TECPR1: variants seen among roughly 807,000 people sequenced by gnomAD.
TECPR1 encodes tectonin beta-propeller repeat containing 1, also known as tectonin beta-propeller repeat-containing protein 1.
A neutral mutation model predicts 162.4 loss-of-function variants in TECPR1; 122 were observed. The ratio of observed to expected loss-of-function variants is 0.75; its 90% CI spans 0.65 to 0.87. The LOEUF is 0.87. TECPR1 is among the 40% of genes least tolerant of loss of function. The probability of loss-of-function intolerance (pLI) is 0.00; values close to 1 mark genes in which losing one functional copy is unlikely to be tolerated. For missense variants in TECPR1, 1,432 were observed against 1,618.2 expected, an observed-to-expected ratio of 0.88 and a Z score of 1.97; for synonymous variants, 642 against 670.6, an observed-to-expected ratio of 0.96 and a Z score of 0.66.
At position 98,222,368 on chromosome 7, in the gene TECPR1, C is replaced by T. The variant is rs779754908; in HGVS notation, c.3064+18G>A. The T allele has an allele frequency of 1.0e-5, 16 of 1,604,454 alleles. No individual in the cohort carries two copies. The highest frequency in any genetic ancestry group is 3.4e-5 in the Admixed American group (2 of 58,912). On this transcript the variant is annotated intron_variant, in intron 22 of 25. Coordinates refer to ENST00000447648, the MANE Select transcript of TECPR1 (RefSeq NM_015395.3). ...CGGAAGGTGAACACTGCAGGGGCTC[C>T]TGGGGCGCGGCACTCACCGGCTGGC...
intron 16 of TECPR1, chr7:98,228,415 C>CG: frequency 1.3e-5 from 5 of 376,504 alleles, no homozygotes; most frequent in Admixed American, 3.6e-5. Context: ...TCCTACTTAG[C>CG]ACCAGGGAGG....
chr7:98,227,859 A>T (rs917291891), intron 17 of TECPR1, among the ~76,000 whole-genome samples, 155 bp downstream of exon 17: 1 of 151,786 alleles, frequency 6.6e-6, no homozygotes, highest in African/African-American at 2.4e-5. Flanking sequence ...AAGGAAAAAA[A>T]TCTCAGTGAG....
Position 98,225,117 on chromosome 7 carries a change from C to T in TECPR1, c.2514-15G>A. ...TGGGCAGACCCCTGCGGCAGGACAA[C>T]AGGGCAGGTGACGAGGGAGACTGGG... On this transcript the variant is annotated splice_polypyrimidine_tract_variant and intron_variant, in intron 17 of 25. Transcript: ENST00000447648. The T allele has an allele frequency of 6.4e-7, 1 of 1,559,606 alleles. No homozygotes were observed. Among genetic ancestry groups the T allele is most frequent in the Non-Finnish European group, 8.7e-7 (1 of 1,153,466 alleles).
At chr7:98,243,371 G>C in intron 6 of TECPR1, 96 bp downstream of exon 6, 1 of 1,501,624 alleles carries the variant, frequency 6.7e-7, no homozygotes, top group Non-Finnish European at 8.9e-7. Flanking sequence ...GGGGGCCGGG[G>C]CTCCGGGGAG....
chr7:98,225,140 G>A (rs1311400048), intron 17 of TECPR1, 38 bp from the exon 18 acceptor site: 3 of 1,533,738 alleles, frequency 2.0e-6, no homozygotes, highest in Non-Finnish European at 2.6e-6. Flanking sequence ...GAGGGAGACT[G>A]GGGAATGAAC....
At position 98,251,557 on chromosome 7, in the gene TECPR1, T is replaced by A. The variant is rs1399534034; in HGVS notation, c.-174-9A>T. 6.6e-6 allele frequency: 1 copy of A among 151,764 alleles called. No individual in the cohort carries two copies. Among genetic ancestry groups the A allele is most frequent in the Non-Finnish European group, 1.5e-5 (1 of 68,000 alleles). The allele number at this position is 151,764 out of a possible 1,614,324, so 9.4% of individuals were successfully genotyped here. A position where few individuals can be genotyped will look rare whatever the true frequency, so the allele number is the denominator to read the frequency against. ...AAAGCGACATCAGGGTCCTAAAAGG[T>A]GGGAAAAAGCAGCAGAACTTGCATG... is the stretch of plus-strand genomic sequence containing the variant. On this transcript the variant is annotated splice_polypyrimidine_tract_variant and intron_variant, in intron 1 of 25. Transcript: ENST00000447648.
At chr7:98,231,448 T>G in intron 13 of TECPR1, 75 bp from the exon 14 acceptor site, 1 of 1,479,314 alleles carries the variant, frequency 6.8e-7, no homozygotes, top group Non-Finnish European at 9.1e-7. Flanking sequence ...CCCACTGTGC[T>G]TCACCCTGGG....
intron 24 of TECPR1, 31 bp from the exon 25 acceptor site, chr7:98,217,842 C>T: frequency 6.5e-7 from 1 of 1,544,024 alleles, no homozygotes; most frequent in Non-Finnish European, 8.8e-7. Flanking sequence ...AGCCCTCAGC[C>T]CTACCTGCAG....
chr7:98,222,399 G>A lies in TECPR1; in HGVS notation c.3051C>T (p.Pro1017=). 1 of 1,601,678 alleles carries A rather than the reference G, an allele frequency of 6.2e-7. No individual in the cohort carries two copies. The highest frequency in any genetic ancestry group is 8.5e-7 in the Non-Finnish European group (1 of 1,175,104). ...CGCGGCACTCACCGGCTGGCTGCGA[G>A]GGGTACACGGATCCCCGGTAGAAGG... is the stretch of plus-strand genomic sequence containing the variant. ...GSAFYRGSVY[P]SQPAGDCWYH... Residue 1017 remains proline, a synonymous_variant, in exon 22 of 26, where the codon CCC becomes CCT. Coordinates refer to ENST00000447648, the MANE Select transcript of TECPR1 (RefSeq NM_015395.3).
Position 98,218,174 on chromosome 7 carries a change from G to GT in TECPR1, c.3158-133_3158-132insA, listed in dbSNP as rs1313601699. 3 of 694,288 alleles carry GT rather than the reference G, an allele frequency of 4.3e-6. No individual in the cohort carries two copies. In the African/African-American group the frequency reaches 5.4e-5, roughly 13 times the overall value. The allele number at this position is 694,288 out of a possible 1,614,324, so 43.0% of individuals were successfully genotyped here. ...TGGGAAGCTGCTGGGGAGGCAGGAGGGTCCTGGCCCCTGAGTCAGGGCCAC... is the reference window on the plus strand; with the variant it reads ...TGGGAAGCTGCTGGGGAGGCAGGAGGTGTCCTGGCCCCTGAGTCAGGGCCAC... On this transcript the variant is annotated intron_variant, in intron 23 of 25. Coordinates refer to ENST00000447648, the MANE Select transcript of TECPR1 (RefSeq NM_015395.3).
chr7:98,225,459 C>T (rs1306821455), intron 17 of TECPR1, among the ~76,000 whole-genome samples: 2 of 149,192 alleles, frequency 1.3e-5, no homozygotes, highest in Admixed American at 6.7e-5. Flanking sequence ...CGCTTGAACC[C>T]GGGAGGCGGA....
chr7:98,225,069 A>T lies in TECPR1; in HGVS notation c.2547T>A (p.Asp849Glu). ...TCGTGCACTCCTGCAGCCCCGAGGC[A>T]TCGCTCCACATGTACCGGTCCGTGG... Reference protein sequence around the residue: ...GLPTDRYMWSDASGLQECTKA... With the variant: ...GLPTDRYMWSEASGLQECTKA... The change falls in exon 18 of 26, where the codon GAT (aspartate) becomes GAA (glutamate). Residue 849 changes from aspartate to glutamate, a missense_variant. Coordinates refer to ENST00000447648, the MANE Select transcript of TECPR1 (RefSeq NM_015395.3). The T allele has an allele frequency of 6.4e-7, 1 of 1,568,834 alleles. No individual in the cohort carries two copies. Among genetic ancestry groups the T allele is most frequent in the Non-Finnish European group, 8.6e-7 (1 of 1,159,224 alleles).
chr7:98,226,259 G>A (rs1798277414), intron 17 of TECPR1, among the ~76,000 whole-genome samples: 1 of 152,190 alleles, frequency 6.6e-6, no homozygotes, highest in African/African-American at 2.4e-5. Context: ...GAAATATTTT[G>A]GCGATGTGTG....
chr7:98,228,121 G>C lies in TECPR1; in HGVS notation c.2411-5C>G. 6.2e-7 allele frequency: 1 copy of C among 1,606,412 alleles called. No individual in the cohort carries two copies. The highest frequency in any genetic ancestry group is 8.5e-7 in the Non-Finnish European group (1 of 1,176,548). The stretch of plus-strand genomic sequence containing the variant: ...TACTGGTGCTGCTGGCCAGGCCTGT[G>C]GGGAGAGGTGGCTGCTGGGACCGAG... On this transcript the variant is annotated splice_region_variant and splice_polypyrimidine_tract_variant and intron_variant, in intron 16 of 25. Coordinates refer to ENST00000447648, the MANE Select transcript of TECPR1 (RefSeq NM_015395.3).
chr7:98,222,289 CAGCTTCTGG>C, intron 22 of TECPR1, 88 bp downstream of exon 22: 2 of 1,471,760 alleles, frequency 1.4e-6, no homozygotes, highest in African/African-American at 2.8e-5. Flanking sequence ...GGGGAAGTCC[CAGCTTCTGG>C]GGGACCCTGG....
chr7:98,223,242 G>C (rs1798187415), intron 20 of TECPR1, 72 bp from the exon 21 acceptor site: 1 of 1,441,538 alleles, frequency 6.9e-7, no homozygotes, highest in Non-Finnish European at 9.3e-7. Flanking sequence ...TCTGCCTCTG[G>C]AGCCAGGAGG....
In TECPR1 at chr7:98,234,522, C is replaced by T. The variant is rs921439933; in HGVS notation, c.1182-611G>A. ...TATAGCAACACAAAATGGACTAAAACGCGTTTTCAAGCCTCTTGGATATAC... is the reference window on the plus strand; with the variant it reads ...TATAGCAACACAAAATGGACTAAAATGCGTTTTCAAGCCTCTTGGATATAC... On this transcript the variant is annotated intron_variant, in intron 10 of 25. Transcript: ENST00000447648. Among the ~76,000 whole-genome samples, 102 of 152,198 alleles carry T rather than the reference C, an allele frequency of 6.7e-4. 1 individual carries two copies. Among genetic ancestry groups the T allele is most frequent in the African/African-American group, 2.2e-3 (90 of 41,524 alleles).
rs757194467 is a variant in TECPR1, at chr7:98,217,455, G to A, written c.3433C>T (p.Arg1145Trp). The change falls in exon 26 of 26, where the codon CGG becomes TGG. Residue 1145 changes from arginine to tryptophan, a missense_variant. Coordinates refer to ENST00000447648, the MANE Select transcript of TECPR1 (RefSeq NM_015395.3). ...SVRANATRAP[R>W]SSSQEQEPSA... ...GGCTCCTGCTCCTGGGACGAGCTCC[G>A]GGGGGCCCTGGTGGCATTGGCCCGG... 5.9e-5 allele frequency: 95 copies of A among 1,609,610 alleles called. No individual in the cohort carries two copies. Among genetic ancestry groups the A allele is most frequent in the Admixed American group, 2.8e-4 (17 of 59,690 alleles).
At chr7:98,222,820 G>C (rs951715738) in intron 21 of TECPR1, 170 bp downstream of exon 21, 2 of 916,764 alleles carry the variant, frequency 2.2e-6, no homozygotes, top group Non-Finnish European at 3.3e-6. Context: ...TGTCACCCCC[G>C]CCCCACCCGC....
Sources: allele counts gnomAD v4.1 joint callset (sites outside exome capture counted in the v4.1 genomes callset), GRCh38; gene constraint gnomAD v4.1.1; transcripts MANE v1.5; gene names NCBI Gene and HGNC (gene_info 2026-07-23, HGNC 2026-07-21).